Variants in CMIP observed in about 807,000 individuals in gnomAD.
CMIP encodes c-Maf inducing protein, also known as C-Maf-inducing protein.
CMIP carries 13 observed loss-of-function variants against 97.3 expected under a neutral mutation model. The ratio of observed to expected loss-of-function variants is 0.13; its 90% CI spans 0.09 to 0.21. The LOEUF (loss-of-function observed/expected upper bound fraction) is 0.21. Among genes scored for constraint, CMIP ranks in the 10% least tolerant of loss-of-function variants. CMIP has a pLI of 1.00. For missense variants in CMIP, 847 were observed against 1,024.9 expected (o/e 0.83, Z 2.37); for synonymous variants, 538 against 436.3 (o/e 1.23, Z -2.91).
At chr16:81,456,737 G>A (rs1026298379) in intron 1 of CMIP, among the ~76,000 whole-genome samples, 9 of 152,218 alleles carry the variant, frequency 5.9e-5, no homozygotes, top group Non-Finnish European at 1.3e-4. Flanking sequence ...TGGCTGGTAA[G>A]CAGAGTTTTG....
chr16:81,457,030 G>A lies in CMIP; in HGVS notation c.300+11489G>A, dbSNP rs576222715. Among the ~76,000 whole-genome samples, 5 of 152,274 alleles carry A rather than the reference G, an allele frequency of 3.3e-5. No individual in the cohort carries two copies. In the South Asian group the frequency reaches 6.2e-4, roughly 19 times the overall value. On this transcript the variant is annotated intron_variant, in intron 1 of 20. Coordinates refer to ENST00000537098, the MANE Select transcript of CMIP (RefSeq NM_198390.3). ...CCCTGCAGAGCGCTCTGTCACAGCC[G>A]GTGGTGAGGACTGGATCACAGTGAG...
chr16:81,596,177 T>G (rs1379356274), intron 1 of CMIP, among the ~76,000 whole-genome samples: 1 of 152,192 alleles, frequency 6.6e-6, no homozygotes, highest in African/African-American at 2.4e-5. Flanking sequence ...TTGTGGAGTT[T>G]GGATTCAGCT....
intron 1 of CMIP, among the ~76,000 whole-genome samples, chr16:81,506,937 C>A (rs1273740878): frequency 6.6e-6 from 1 of 150,936 alleles, no homozygotes; most frequent in Non-Finnish European, 1.5e-5. Flanking sequence ...GGCTCAAAGC[C>A]TTGTTCCTGA....
chr16:81,663,610 C>T (rs930813844), intron 6 of CMIP, among the ~76,000 whole-genome samples: 3 of 152,134 alleles, frequency 2.0e-5, no homozygotes, highest in African/African-American at 7.2e-5. Flanking sequence ...CAAGAGTGAA[C>T]CCTAAAGTCA....
chr16:81,684,653 G>A (rs1905203761), intron 10 of CMIP, among the ~76,000 whole-genome samples: 1 of 152,218 alleles, frequency 6.6e-6, no homozygotes. Context: ...GAACCTCTCT[G>A]GACCTCCGTT....
At chr16:81,706,644 A>C (rs1333156039) in intron 19 of CMIP, among the ~76,000 whole-genome samples, 1 of 152,178 alleles carries the variant, frequency 6.6e-6, no homozygotes, top group African/African-American at 2.4e-5. Context: ...GCACCGAGTC[A>C]ATGACGACGG....
chr16:81,689,445 A>G (rs1387062322), intron 10 of CMIP, among the ~76,000 whole-genome samples: 2 of 152,228 alleles, frequency 1.3e-5, no homozygotes, highest in African/African-American at 4.8e-5. Context: ...TGTTGGCTGC[A>G]TAAATGTCTT....
chr16:81,687,063 C>T (rs1364110696), intron 10 of CMIP, among the ~76,000 whole-genome samples: 4 of 152,222 alleles, frequency 2.6e-5, no homozygotes, highest in East Asian at 1.9e-4. Flanking sequence ...GCATCCCACT[C>T]GATCTTGGCA....
intron 1 of CMIP, among the ~76,000 whole-genome samples, chr16:81,602,473 G>A (rs1005428607): frequency 4.6e-5 from 7 of 152,196 alleles, no homozygotes; most frequent in African/African-American, 9.7e-5. Context: ...TAAGAGTCAC[G>A]CTTTTAGCGT....
chr16:81,473,927 C>G (rs1042421091), intron 1 of CMIP, among the ~76,000 whole-genome samples: 2 of 148,984 alleles, frequency 1.3e-5, no homozygotes, highest in Non-Finnish European at 3.0e-5. Context: ...CAGAAGCAAA[C>G]ATTTCTATGT....
chr16:81,628,974 A>G (rs1487912335), intron 3 of CMIP, among the ~76,000 whole-genome samples: 1 of 151,680 alleles, frequency 6.6e-6, no homozygotes, highest in Non-Finnish European at 1.5e-5. Flanking sequence ...TGTCTCTACT[A>G]AAAATACAAA....
At chr16:81,471,456 A>G (rs898041237) in intron 1 of CMIP, among the ~76,000 whole-genome samples, 6 of 152,254 alleles carry the variant, frequency 3.9e-5, no homozygotes, top group Non-Finnish European at 7.3e-5. Context: ...GCATATGTAC[A>G]CATACACATG....
intron 1 of CMIP, among the ~76,000 whole-genome samples, chr16:81,555,401 C>T (rs2090741575): frequency 6.6e-6 from 1 of 152,124 alleles, no homozygotes; most frequent in South Asian, 2.1e-4. Context: ...GACCCATGGG[C>T]AAAACAGACA....
chr16:81,667,799 A>AGTGTGT (rs71146027), intron 7 of CMIP, among the ~76,000 whole-genome samples: 1,493 of 57,950 alleles, frequency 0.026, 20 homozygotes, highest in Non-Finnish European at 0.033. Flanking sequence ...AGAGAGAGAG[A>AGTGTGT]GTGTGTGTGT....
intron 1 of CMIP, among the ~76,000 whole-genome samples, chr16:81,509,331 C>T (rs1366977461): frequency 6.6e-6 from 1 of 152,210 alleles, no homozygotes; most frequent in African/African-American, 2.4e-5. Flanking sequence ...TGCCCTCAGC[C>T]TGCACAGTTC....
rs1567656169 is a variant in CMIP, at chr16:81,678,456, G to T, written c.1216G>T (p.Val406Leu). The T allele has an allele frequency of 7.5e-6, 12 of 1,591,310 alleles. No individual in the cohort carries two copies. The highest frequency in any genetic ancestry group is 1.0e-5 in the Non-Finnish European group (12 of 1,169,920). ...VVASSEIHVEVERTSTAKPAL... is the reference protein window; with the variant it reads ...VVASSEIHVELERTSTAKPAL... ...GGCCTCCAGTGAGATCCACGTGGAG[G>T]TGGAACGCACCAGCACTGCCAAGCC... Residue 406 changes from valine (V) to leucine (L), a missense_variant, in exon 10 of 21, where the codon GTG (valine) becomes TTG (leucine). Coordinates refer to ENST00000537098, the MANE Select transcript of CMIP (RefSeq NM_198390.3).
Position 81,678,276 on chromosome 16 carries a change from C to T in CMIP, c.1036C>T (p.Arg346Cys), listed in dbSNP as rs1904474530. ...GCCCTCTCCCGCCTCTTCCCCCAGC[C>T]GCGACAATTCCCCAAGCCTGAAGGA... ...YSCYEEFINS[R>C]DNSPSLKEIR... Residue 346 changes from arginine to cysteine, a missense_variant and splice_region_variant, in exon 10 of 21, where the codon CGC (arginine) becomes TGC (cysteine). Coordinates refer to ENST00000537098, the MANE Select transcript of CMIP (RefSeq NM_198390.3). The T allele has an allele frequency of 5.7e-6, 9 of 1,586,054 alleles. No individual in the cohort carries two copies. The highest frequency in any genetic ancestry group is 2.3e-5 in the South Asian group (2 of 88,622).
At chr16:81,508,724 C>A (rs1597487837) in intron 1 of CMIP, among the ~76,000 whole-genome samples, 1 of 152,328 alleles carries the variant, frequency 6.6e-6, no homozygotes, top group East Asian at 1.9e-4. Flanking sequence ...AGAGGGTGCT[C>A]CGTGAGACAG....
chr16:81,483,588 CCTCTTCCTCTT>C (rs1168604575), intron 1 of CMIP, among the ~76,000 whole-genome samples: 15 of 151,878 alleles, frequency 9.9e-5, no homozygotes, highest in African/African-American at 2.7e-4. Context: ...TCTTCCTCTT[CCTCTTCCTCTT>C]CCTCTCCCTC....
Sources: gnomAD v4.1 joint callset for allele counts (sites outside exome capture counted in the v4.1 genomes callset) on GRCh38, gnomAD v4.1.1 for gene constraint, MANE v1.5 for transcripts, NCBI Gene and HGNC (gene_info 2026-07-23, HGNC 2026-07-21) for gene names.